Variants in PLD1 observed in about 807,000 individuals in gnomAD.
PLD1 encodes the protein phospholipase D1.
In PLD1, 112 loss-of-function variants were observed where a neutral mutation model predicts 137.1. The ratio of observed to expected loss-of-function variants is 0.82; its 90% CI spans 0.70 to 0.96. The LOEUF is 0.96. Among genes scored for constraint, PLD1 ranks in the 40% least tolerant of loss-of-function variants. PLD1 has a pLI of 0.00. For synonymous variants in PLD1, 431 were observed against 454.7 expected (o/e 0.95, Z 0.66); for missense variants, 1,321 against 1,342.0 (o/e 0.98, Z 0.24).
chr3:171,767,152 G>C (rs1722032847), intron 1 of PLD1, among the ~76,000 whole-genome samples: 1 of 152,146 alleles, frequency 6.6e-6, no homozygotes, highest in Non-Finnish European at 1.5e-5. Context: ...AGCTTTAGTG[G>C]CTTTATTATT....
chr3:171,779,897 C>T (rs1017905294), intron 1 of PLD1, among the ~76,000 whole-genome samples: 4 of 149,098 alleles, frequency 2.7e-5, no homozygotes, highest in Non-Finnish European at 5.9e-5. Flanking sequence ...GGTTTGTATA[C>T]GTAAGTCTGA....
intron 1 of PLD1, among the ~76,000 whole-genome samples, chr3:171,741,051 A>G (rs1288252497): frequency 6.6e-6 from 1 of 152,240 alleles, no homozygotes; most frequent in Admixed American, 6.5e-5. Context: ...GTGACAAGAC[A>G]TGTCCTCTAC....
At chr3:171,802,272 G>A (rs1187809607) in intron 1 of PLD1, among the ~76,000 whole-genome samples, 2 of 152,102 alleles carry the variant, frequency 1.3e-5, no homozygotes, top group Non-Finnish European at 2.9e-5. Flanking sequence ...GCAAGAAAAA[G>A]AGAAAAGAAA....
chr3:171,776,938 G>A lies in PLD1; in HGVS notation c.-32+33461C>T, dbSNP rs372132950. Among the ~76,000 whole-genome samples, 12 of 152,068 alleles carry A rather than the reference G, an allele frequency of 7.9e-5. No homozygotes were observed. The South Asian group carries it at 8.3e-4, about 11-fold the overall frequency. ...ACAAATTTTATCTCAAGGTTAACTA[G>A]ATAACCTCTCTTTTTAAATACCTGA... is the stretch of plus-strand genomic sequence containing the variant. On this transcript the variant is annotated intron_variant, in intron 1 of 26. Coordinates refer to ENST00000351298, the MANE Select transcript of PLD1 (RefSeq NM_002662.5).
chr3:171,734,512 C>T (rs1719198751), intron 5 of PLD1, among the ~76,000 whole-genome samples: 1 of 152,144 alleles, frequency 6.6e-6, no homozygotes, highest in Non-Finnish European at 1.5e-5. Context: ...CTATTACAAA[C>T]ACGGAAACTT....
chr3:171,802,837 G>A (rs1723699702), intron 1 of PLD1, among the ~76,000 whole-genome samples: 2 of 152,100 alleles, frequency 1.3e-5, no homozygotes, highest in Non-Finnish European at 2.9e-5. Context: ...TAAAAATCGA[G>A]GCTACCATAC....
At chr3:171,654,227 C>T (rs772543357) in intron 21 of PLD1, 11 of 299,106 alleles carry the variant, frequency 3.7e-5, no homozygotes, top group South Asian at 5.0e-5. Context: ...TGCTTGAACC[C>T]GGGAGATGGA....
chr3:171,659,276 TCAGCA>T lies in PLD1; in HGVS notation c.2361_2365del (p.Cys787Ter). On this transcript the variant is annotated stop_gained and frameshift_variant, in exon 21 of 27. Coordinates refer to ENST00000351298, the MANE Select transcript of PLD1 (RefSeq NM_002662.5). LOFTEE classifies it high-confidence loss of function. ...TATCTTGTTGAACACAACTTTGTCA[TCAGCA>T]CAGCTTATGAAAAACTGGTTCTATG... is the stretch of plus-strand genomic sequence containing the variant. 6.2e-7 allele frequency: 1 copy of T among 1,613,132 alleles called. No homozygotes were observed. The highest frequency in any genetic ancestry group is 8.5e-7 in the Non-Finnish European group (1 of 1,179,034).
intron 23 of PLD1, among the ~76,000 whole-genome samples, chr3:171,623,313 C>T (rs9917830): frequency 0.48 from 62,542 of 129,918 alleles, 14,483 homozygotes; most frequent in African/African-American, 0.64. Flanking sequence ...CCCTATCAGA[C>T]TTTTTTTTTT....
At chr3:171,625,701 C>T (rs1253947786) in intron 23 of PLD1, among the ~76,000 whole-genome samples, 6 of 152,142 alleles carry the variant, frequency 3.9e-5, no homozygotes, top group African/African-American at 1.4e-4. Context: ...CACAAAAATC[C>T]ACTGTTCTGC....
intron 1 of PLD1, among the ~76,000 whole-genome samples, chr3:171,801,055 A>G (rs1723624409): frequency 6.6e-6 from 1 of 152,224 alleles, no homozygotes; most frequent in Non-Finnish European, 1.5e-5. Context: ...GGAAAATTGG[A>G]ACATACAATC....
At chr3:171,748,228 C>G (rs1476894526) in intron 1 of PLD1, among the ~76,000 whole-genome samples, 7 of 152,294 alleles carry the variant, frequency 4.6e-5, no homozygotes, top group African/African-American at 1.4e-4. Context: ...GACTTCAAAG[C>G]CTGTTAATAA....
chr3:171,617,224 T>C (rs1733190907), intron 24 of PLD1, among the ~76,000 whole-genome samples: 1 of 152,164 alleles, frequency 6.6e-6, no homozygotes, highest in African/African-American at 2.4e-5. Context: ...TAAAAGCAAA[T>C]TGCAGACATG....
chr3:171,605,060 C>T (rs961803361), intron 26 of PLD1, among the ~76,000 whole-genome samples: 1 of 152,186 alleles, frequency 6.6e-6, no homozygotes, highest in African/African-American at 2.4e-5. Context: ...TGATGGGATT[C>T]CTGCATCACA....
chr3:171,764,094 C>G (rs1209026056), intron 1 of PLD1, among the ~76,000 whole-genome samples: 1 of 152,148 alleles, frequency 6.6e-6, no homozygotes, highest in Non-Finnish European at 1.5e-5. Flanking sequence ...ACCTCAGCCT[C>G]CCAAATACCT....
At chr3:171,608,686 C>T (rs906392720) in intron 25 of PLD1, among the ~76,000 whole-genome samples, 2 of 152,088 alleles carry the variant, frequency 1.3e-5, no homozygotes, top group East Asian at 1.9e-4. Context: ...TACTACGTAT[C>T]GTAAGGTTCC....
intron 1 of PLD1, among the ~76,000 whole-genome samples, chr3:171,770,177 G>C (rs1177571788): frequency 6.6e-6 from 1 of 151,962 alleles, no homozygotes; most frequent in Non-Finnish European, 1.5e-5. Flanking sequence ...TGTTTTACAA[G>C]TCACACTCCA....
chr3:171,725,862 T>C lies in PLD1; in HGVS notation c.665+156A>G, dbSNP rs78833213. On this transcript the variant is annotated intron_variant, in intron 7 of 26. Coordinates refer to ENST00000351298, the MANE Select transcript of PLD1 (RefSeq NM_002662.5). ...TTGTTTATCACAGGAGATGCTCTGA[T>C]TTGTATGAATAATTCCATCAGTTGC... 1,292 of 619,160 alleles carry C rather than the reference T, an allele frequency of 2.1e-3. 11 individuals are homozygous for C. In the African/African-American group the frequency reaches 0.021, roughly 10 times the overall value. The allele number at this position is 619,160 out of a possible 1,614,324, so 38.4% of individuals were successfully genotyped here.
chr3:171,764,077 T>C (rs2108313553), intron 1 of PLD1, among the ~76,000 whole-genome samples: 1 of 152,226 alleles, frequency 6.6e-6, no homozygotes, highest in South Asian at 2.1e-4. Flanking sequence ...CCTCAAGCAA[T>C]CCTCCCACCT....
Sources: gnomAD v4.1 joint callset for allele counts (sites outside exome capture counted in the v4.1 genomes callset) on GRCh38, gnomAD v4.1.1 for gene constraint, MANE v1.5 for transcripts, NCBI Gene and HGNC (gene_info 2026-07-23, HGNC 2026-07-21) for gene names.